The following TOPAZ1 variants were observed in gnomAD, a reference collection of about 807,000 sequenced individuals.
TOPAZ1 encodes protein TOPAZ1.
TOPAZ1 carries 66 observed loss-of-function variants against 172.2 expected under a neutral mutation model. The observed-to-expected ratio is 0.38, with a 90% CI of 0.31 to 0.47. The LOEUF is 0.47. Among genes scored for constraint, TOPAZ1 ranks in the 20% least tolerant of loss-of-function variants. The probability of loss-of-function intolerance (pLI) is 0.99; values close to 1 mark genes in which losing one functional copy is unlikely to be tolerated. For synonymous variants in TOPAZ1, 681 were observed against 683.9 expected, an observed-to-expected ratio of 1.00 and a Z score of 0.07; for missense variants, 1,822 against 1,972.4, an observed-to-expected ratio of 0.92 and a Z score of 1.44.
intron 2 of TOPAZ1, among the ~76,000 whole-genome samples, chr3:44,254,061 G>A (rs1014601181): frequency 2.6e-5 from 4 of 152,168 alleles, no homozygotes; most frequent in Admixed American, 6.5e-5. Flanking sequence ...TGGCTTTAAG[G>A]ACATCTTATC....
At chr3:44,302,652 G>A (rs1700285856) in intron 12 of TOPAZ1, among the ~76,000 whole-genome samples, 1 of 152,008 alleles carries the variant, frequency 6.6e-6, no homozygotes, top group Non-Finnish European at 1.5e-5. Flanking sequence ...TGTTTTCCTG[G>A]ATCTTCTTGG....
intron 11 of TOPAZ1, among the ~76,000 whole-genome samples, chr3:44,288,587 A>G (rs750061718): frequency 2.0e-5 from 3 of 152,180 alleles, no homozygotes; most frequent in Non-Finnish European, 4.4e-5. Context: ...CAGGAGGCTG[A>G]GTCAGGAGAA....
downstream of TOPAZ1, among the ~76,000 whole-genome samples, chr3:44,334,130 T>A (rs1226453565): frequency 6.6e-6 from 1 of 152,138 alleles, no homozygotes; most frequent in African/African-American, 2.4e-5. Flanking sequence ...AGATGCCAGG[T>A]TTTTATAATG....
chr3:44,290,680 C>A, intron 11 of TOPAZ1, 91 bp from the exon 12 acceptor site: 1 of 704,062 alleles, frequency 1.4e-6, no homozygotes, highest in Non-Finnish European at 2.4e-6. Context: ...TTCACTTCTT[C>A]CATTAGTGTC....
At chr3:44,297,019 A>G (rs891915464) in intron 12 of TOPAZ1, among the ~76,000 whole-genome samples, 5 of 151,852 alleles carry the variant, frequency 3.3e-5, no homozygotes, top group Non-Finnish European at 2.9e-5. Context: ...TAAAAATACA[A>G]AATTAGCTGG....
At chr3:44,289,666 A>G (rs527741992) in intron 11 of TOPAZ1, among the ~76,000 whole-genome samples, 23 of 152,144 alleles carry the variant, frequency 1.5e-4, no homozygotes, top group Non-Finnish European at 7.4e-5. Context: ...AAGAAATTCT[A>G]TCTCAAAATA....
At chr3:44,293,227 GATA>G (rs1700159556) in intron 12 of TOPAZ1, among the ~76,000 whole-genome samples, 2 of 152,196 alleles carry the variant, frequency 1.3e-5, no homozygotes, top group Admixed American at 1.3e-4. Flanking sequence ...ATTTGATAAT[GATA>G]ATAAATTAGT....
intron 11 of TOPAZ1, among the ~76,000 whole-genome samples, chr3:44,288,371 C>G (rs1700101491): frequency 6.6e-6 from 1 of 151,888 alleles, no homozygotes; most frequent in South Asian, 2.1e-4. Flanking sequence ...AATTGCTTGC[C>G]TAGAGATGTT....
At chr3:44,297,218 C>G (rs952025272) in intron 12 of TOPAZ1, among the ~76,000 whole-genome samples, 4 of 151,838 alleles carry the variant, frequency 2.6e-5, no homozygotes, top group Middle Eastern at 3.4e-3. Flanking sequence ...AGTATTATCT[C>G]TCCTGAGCTT....
In TOPAZ1 at chr3:44,328,478, C is replaced by T. The variant is rs182474401; in HGVS notation, c.4859+45C>T. 84 of 1,088,138 alleles carry T rather than the reference C, an allele frequency of 7.7e-5. No individual in the cohort carries two copies. The East Asian group carries it at 2.3e-3, about 30-fold the overall frequency. The allele number at this position is 1,088,138 out of a possible 1,614,324, so 67.4% of individuals were successfully genotyped here. On this transcript the variant is annotated intron_variant, in intron 19 of 19. Transcript: ENST00000309765. Reference sequence around the variant, plus strand: ...ACTGCATTCTGAATGTAGATCATGACTCCCCACACCCACCCTAAGATGTAA... The same window carrying T: ...ACTGCATTCTGAATGTAGATCATGATTCCCCACACCCACCCTAAGATGTAA...
chr3:44,278,085 T>C (rs1374080031), intron 8 of TOPAZ1, among the ~76,000 whole-genome samples: 1 of 152,234 alleles, frequency 6.6e-6, no homozygotes, highest in Non-Finnish European at 1.5e-5. Flanking sequence ...ATTTTTATCA[T>C]GAAGGGATAT....
rs149007141 is a variant in TOPAZ1, at chr3:44,264,103, C to T, written c.3020+1620C>T. On this transcript the variant is annotated intron_variant, in intron 5 of 19. Coordinates refer to ENST00000309765, the MANE Select transcript of TOPAZ1 (RefSeq NM_001145030.2). ...TTTTCTGATTAGAACACTAACCTAACTCCTCCTCAGACCTTTTGTTTAGCA... is the reference window on the plus strand; with the variant it reads ...TTTTCTGATTAGAACACTAACCTAATTCCTCCTCAGACCTTTTGTTTAGCA... 6.3e-3 allele frequency among the ~76,000 whole-genome samples: 961 copies of T among 152,300 alleles called. 10 individuals carry two copies. The highest frequency in any genetic ancestry group is 0.022 in the African/African-American group (902 of 41,580).
rs758992723 is a variant in TOPAZ1, at chr3:44,321,239, TTTAACTGTTAATAAGAAATAG to T, written c.4471+52_4471+72del. ...TTAATTATCTCTTGCCCATCTGGTG[TTTAACTGTTAATAAGAAATAG>T]TTATCCACCTGTTTTGATTGAGTTT... On this transcript the variant is annotated intron_variant, in intron 17 of 19. Coordinates refer to ENST00000309765, the MANE Select transcript of TOPAZ1 (RefSeq NM_001145030.2). The T allele has an allele frequency of 2.6e-5, 34 of 1,329,044 alleles. No individual in the cohort carries two copies. The South Asian group carries it at 5.0e-4, about 20-fold the overall frequency. The allele number at this position is 1,329,044 out of a possible 1,614,324, so 82.3% of individuals were successfully genotyped here. A position where few individuals can be genotyped will look rare whatever the true frequency, so the allele number is the denominator to read the frequency against.
intron 6 of TOPAZ1, among the ~76,000 whole-genome samples, chr3:44,268,681 C>G (rs1252458694): frequency 6.6e-6 from 1 of 152,030 alleles, no homozygotes; most frequent in African/African-American, 2.4e-5. Flanking sequence ...CCGCACCAGA[C>G]TGGTGCCTAT....
chr3:44,304,225 T>C, intron 13 of TOPAZ1, 144 bp downstream of exon 13: 1 of 498,098 alleles, frequency 2.0e-6, no homozygotes, highest in Middle Eastern at 4.5e-4. Context: ...AAAGGAAGTT[T>C]TGTTTTTCTT....
At chr3:44,272,519 A>G (rs928931527) in intron 8 of TOPAZ1, among the ~76,000 whole-genome samples, 2 of 151,890 alleles carry the variant, frequency 1.3e-5, no homozygotes, top group Non-Finnish European at 1.5e-5. Flanking sequence ...TTTTTCGTAC[A>G]TTTGCCATTT....
At chr3:44,315,377 T>C (rs1295709287) in intron 16 of TOPAZ1, among the ~76,000 whole-genome samples, 1 of 152,064 alleles carries the variant, frequency 6.6e-6, no homozygotes, top group African/African-American at 2.4e-5. Context: ...TTTCTCTTTT[T>C]TTTTTCTGAG....
intron 5 of TOPAZ1, 100 bp from the exon 6 acceptor site, chr3:44,266,896 TA>T: frequency 1.1e-6 from 1 of 921,608 alleles, no homozygotes; most frequent in Non-Finnish European, 1.5e-6. Context: ...AAAATAAAAA[TA>T]AAAAATTTTT....
At chr3:44,324,922 C>T (rs1700582022) in intron 18 of TOPAZ1, among the ~76,000 whole-genome samples, 1 of 152,162 alleles carries the variant, frequency 6.6e-6, no homozygotes, top group Non-Finnish European at 1.5e-5. Context: ...GTTATTGGAA[C>T]TTTTCCTTTT....
Sources: allele counts gnomAD v4.1 joint callset (sites outside exome capture counted in the v4.1 genomes callset), GRCh38; gene constraint gnomAD v4.1.1; transcripts MANE v1.5; gene names NCBI Gene and HGNC (gene_info 2026-07-23, HGNC 2026-07-21).